The following CEP192 variants were observed in gnomAD, a reference collection of about 807,000 sequenced individuals.
CEP192 encodes centrosomal protein 192, also known as centrosomal protein of 192 kDa.
CEP192 carries 151 observed loss-of-function variants against 271.8 expected under a neutral mutation model. That is an observed-to-expected ratio of 0.56 (90% confidence interval 0.49 to 0.64). The LOEUF is 0.64. CEP192 is among the 30% of genes least tolerant of loss of function. The probability of loss-of-function intolerance (pLI) is 0.00; values close to 1 mark genes in which losing one functional copy is unlikely to be tolerated. For synonymous variants in CEP192, 995 were observed against 1,076.5 expected (o/e 0.92, Z 1.48); for missense variants, 2,910 against 3,020.5 (o/e 0.96, Z 0.86).
rs1302878315 is a variant in CEP192 at position 13,053,106 on chromosome 18, G to T, written c.3189+16G>T. On this transcript the variant is annotated intron_variant, in intron 18 of 44. Coordinates refer to ENST00000506447, the MANE Select transcript of CEP192 (RefSeq NM_032142.4). ...GGACCGCAAGGTGGGCAGCCACTTG[G>T]ATTATTTATTACTAAGGCTTTCAAC... The T allele has an allele frequency of 6.3e-7, 1 of 1,590,002 alleles. No individual in the cohort carries two copies. The highest frequency in any genetic ancestry group is 1.4e-5 in the African/African-American group (1 of 74,048).
chr18:13,098,241 C>G (rs1435686663), intron 36 of CEP192, among the ~76,000 whole-genome samples: 3 of 152,038 alleles, frequency 2.0e-5, no homozygotes, highest in Non-Finnish European at 4.4e-5. Flanking sequence ...GCACCCCTCA[C>G]CTCCCGGACG....
At chr18:13,017,422 C>A in intron 7 of CEP192, 86 bp downstream of exon 7, 3 of 1,081,502 alleles carry the variant, frequency 2.8e-6, no homozygotes, top group Non-Finnish European at 3.8e-6. Context: ...GAAATGTAAG[C>A]CTTTGGACTT....
rs1290129466 is a variant in CEP192 at position 13,073,043 on chromosome 18, C to T, written c.5474C>T (p.Thr1825Ile). Residue 1825 changes from threonine to isoleucine, a missense_variant, in exon 30 of 45, where the codon ACC becomes ATC. Coordinates refer to ENST00000506447, the MANE Select transcript of CEP192 (RefSeq NM_032142.4). Reference sequence around the variant, plus strand: ...ACTTTTGGTTCAGAACAGCGATTGACCAGTAACTGTGAGATCAGAATTCAC... The same window carrying T: ...ACTTTTGGTTCAGAACAGCGATTGATCAGTAACTGTGAGATCAGAATTCAC... ...QNTFGSEQRL[T>I]SNCEIRIHPK... The T allele has an allele frequency of 1.9e-6, 3 of 1,611,886 alleles. No individual in the cohort carries two copies. The highest frequency in any genetic ancestry group is 2.2e-5 in the South Asian group (2 of 90,324).
intron 18 of CEP192, 121 bp from the exon 19 acceptor site, chr18:13,055,659 T>A: frequency 1.6e-6 from 1 of 637,944 alleles, no homozygotes; most frequent in Non-Finnish European, 2.6e-6. Flanking sequence ...TGTAAACCAA[T>A]TTTTTTTCAA....
chr18:13,053,325 G>A (rs747881227), intron 18 of CEP192, among the ~76,000 whole-genome samples: 1 of 152,228 alleles, frequency 6.6e-6, no homozygotes, highest in Middle Eastern at 3.2e-3. Flanking sequence ...GGCACGCTGT[G>A]TAATGAAGTG....
Position 13,010,992 on chromosome 18 carries a change from C to T in CEP192, c.467-1981C>T, listed in dbSNP as rs573546163. Among the ~76,000 whole-genome samples the T allele has an allele frequency of 5.6e-4, 85 of 152,030 alleles. 1 individual carries two copies. Among genetic ancestry groups the T allele is most frequent in the African/African-American group, 1.9e-3 (78 of 41,456 alleles). On this transcript the variant is annotated intron_variant, in intron 4 of 44. Coordinates refer to ENST00000506447, the MANE Select transcript of CEP192 (RefSeq NM_032142.4). Reference sequence around the variant, plus strand: ...CTGTAATCCCAGCACTTTGGGAGGCCGAGGTGAGCGGATCATTTGAGGTCA... The same window carrying T: ...CTGTAATCCCAGCACTTTGGGAGGCTGAGGTGAGCGGATCATTTGAGGTCA...
intron 11 of CEP192, among the ~76,000 whole-genome samples, chr18:13,034,529 C>T (rs571808298): frequency 1.8e-4 from 28 of 151,960 alleles, no homozygotes; most frequent in African/African-American, 4.6e-4. Flanking sequence ...CTGCCTCGGC[C>T]GGGCGCAGTG....
intron 27 of CEP192, among the ~76,000 whole-genome samples, chr18:13,070,540 A>G (rs142213898): frequency 6.0e-4 from 92 of 152,342 alleles, no homozygotes; most frequent in African/African-American, 2.2e-3. Context: ...ATAAGTGAAT[A>G]TCAACTTAGA....
At chr18:13,001,991 T>G (rs1599030131) in intron 3 of CEP192, among the ~76,000 whole-genome samples, 1 of 152,224 alleles carries the variant, frequency 6.6e-6, no homozygotes, top group Non-Finnish European at 1.5e-5. Context: ...GGATTAGAAT[T>G]GTAGGCGTGA....
At chr18:13,083,390 G>T (rs1019255789) in intron 30 of CEP192, among the ~76,000 whole-genome samples, 1 of 151,788 alleles carries the variant, frequency 6.6e-6, no homozygotes, top group Non-Finnish European at 1.5e-5. Context: ...ATATCCTTTC[G>T]CCCACTTGAT....
chr18:13,043,744 G>T (rs1016484344), intron 15 of CEP192, among the ~76,000 whole-genome samples: 2 of 152,088 alleles, frequency 1.3e-5, no homozygotes, highest in Non-Finnish European at 2.9e-5. Flanking sequence ...CTTCTAATCC[G>T]TGAAACTAAC....
At chr18:13,066,971 G>GTGTA (rs1555727008) in intron 21 of CEP192, among the ~76,000 whole-genome samples, 2 of 146,820 alleles carry the variant, frequency 1.4e-5, no homozygotes, top group Non-Finnish European at 3.1e-5. Flanking sequence ...GTCTGTGTGT[G>GTGTA]TGTGTGTGTG....
intron 4 of CEP192, among the ~76,000 whole-genome samples, chr18:13,009,960 A>G (rs2034237041): frequency 6.6e-6 from 1 of 152,178 alleles, no homozygotes; most frequent in East Asian, 1.9e-4. Flanking sequence ...GGAGTTCAAT[A>G]TCAGCCTGGG....
In CEP192 at chr18:13,095,566, T is replaced by C. The variant is rs761352423; in HGVS notation, c.6318T>C (p.Gly2106=). ...CTTTGGATGTTTTACCAGTCAAAGG[T>C]CCTCAGGGTTCTCCTCTTCTCTCAC... is the stretch of plus-strand genomic sequence containing the variant. The part of the protein sequence containing the change: ...NVSLDVLPVK[G]PQGSPLLSRA... The change falls in exon 35 of 45, where the codon GGT becomes GGC. Residue 2106 remains glycine (G), a synonymous_variant. Transcript: ENST00000506447. 17 of 1,614,186 alleles carry C rather than the reference T, an allele frequency of 1.1e-5. No homozygotes were observed. Among genetic ancestry groups the C allele is most frequent in the Non-Finnish European group, 1.0e-5 (12 of 1,180,002 alleles).
At chr18:13,034,792 C>G (rs2035825370) in intron 11 of CEP192, among the ~76,000 whole-genome samples, 1 of 144,940 alleles carries the variant, frequency 6.9e-6, no homozygotes, top group South Asian at 2.2e-4. Flanking sequence ...GCCCTCCAGA[C>G]TAGGCGACAG....
chr18:13,025,342 G>A (rs1018460595), intron 9 of CEP192, among the ~76,000 whole-genome samples: 5 of 152,000 alleles, frequency 3.3e-5, no homozygotes, highest in South Asian at 2.1e-4. Flanking sequence ...TCAGCCTTCT[G>A]AGCAGTTGGG....
At chr18:13,114,827 C>T (rs1454920829) in intron 42 of CEP192, among the ~76,000 whole-genome samples, 1 of 152,144 alleles carries the variant, frequency 6.6e-6, no homozygotes, top group Non-Finnish European at 1.5e-5. Context: ...AAATAGTTTT[C>T]CCTAAATAGT....
intron 43 of CEP192, among the ~76,000 whole-genome samples, chr18:13,117,292 T>C (rs1042731939): frequency 6.6e-6 from 1 of 152,184 alleles, no homozygotes; most frequent in Non-Finnish European, 1.5e-5. Context: ...AACCCTTTAC[T>C]TGAAAATCAA....
intron 15 of CEP192, among the ~76,000 whole-genome samples, chr18:13,046,291 C>T (rs562581210): frequency 3.3e-5 from 5 of 152,154 alleles, no homozygotes; most frequent in East Asian, 1.9e-4. Context: ...AGGGGTTCAC[C>T]GCTATGACCC....
Sources: gnomAD v4.1 joint callset for allele counts (sites outside exome capture counted in the v4.1 genomes callset) on GRCh38, gnomAD v4.1.1 for gene constraint, MANE v1.5 for transcripts, NCBI Gene and HGNC (gene_info 2026-07-23, HGNC 2026-07-21) for gene names.